Variants in DOP1B observed in about 807,000 individuals in gnomAD.
DOP1B encodes the protein protein DOP1B.
In DOP1B, 174 loss-of-function variants were observed where a neutral mutation model predicts 233.5. The ratio of observed to expected loss-of-function variants is 0.75; its 90% CI spans 0.66 to 0.85. DOP1B has a LOEUF of 0.85. Ranked by LOEUF, DOP1B falls within the 40% of genes least tolerant of loss-of-function variation. DOP1B has a pLI of 0.00. For missense variants in DOP1B, 2,652 were observed against 2,846.6 expected (o/e 0.93, Z 1.56); for synonymous variants, 1,190 against 1,185.6 (o/e 1.00, Z -0.08).
At chr21:36,242,542 A>G (rs2066904052) in intron 18 of DOP1B, among the ~76,000 whole-genome samples, 1 of 151,728 alleles carries the variant, frequency 6.6e-6, no homozygotes, top group Non-Finnish European at 1.5e-5. Context: ...TGAACTCCTG[A>G]GCTCAAGTGT....
At chr21:36,199,298 G>A (rs376541118) in intron 3 of DOP1B, 47 bp downstream of exon 3, 226 of 1,568,436 alleles carry the variant, frequency 1.4e-4, no homozygotes, top group Non-Finnish European at 1.7e-4. Context: ...CCAAGTAACC[G>A]GTATTTCAGC....
At chr21:36,169,376 G>C (rs2065949005) in intron 2 of DOP1B, 1 of 826,948 alleles carries the variant, frequency 1.2e-6, no homozygotes, top group South Asian at 1.3e-5. Context: ...TTTCTGCCCA[G>C]CACATGCCAT....
Position 36,232,946 on chromosome 21 carries a change from T to C in DOP1B, c.2493T>C (p.Ile831=). The C allele has an allele frequency of 6.2e-7, 1 of 1,614,116 alleles. No individual in the cohort carries two copies. Among genetic ancestry groups the C allele is most frequent in the Non-Finnish European group, 8.5e-7 (1 of 1,180,022 alleles). Residue 831 remains isoleucine (I), a synonymous_variant, in exon 15 of 37, where the codon ATT becomes ATC. Transcript: ENST00000691173. ...INHSQSLALV[I]EDKMKRYKSS... ...ATTCCCAGTCCCTGGCGCTTGTCAT[T>C]GAAGACAAGATGAAACGCTATAAGA...
chr21:36,293,615 C>G lies in DOP1B; in HGVS notation c.*44C>G. The G allele has an allele frequency of 6.3e-7, 1 of 1,589,680 alleles. No homozygotes were observed. Among genetic ancestry groups the G allele is most frequent in the Non-Finnish European group, 8.6e-7 (1 of 1,161,986 alleles). On this transcript the variant is annotated 3_prime_UTR_variant, in exon 37 of 37. Coordinates refer to ENST00000691173, the MANE Select transcript of DOP1B (RefSeq NM_001320714.2). ...GTTTAATCCATGTATTGGTACTTTA[C>G]TGAAAACCAGGTTATATTCTAAAGA...
intron 21 of DOP1B, among the ~76,000 whole-genome samples, chr21:36,250,146 G>T (rs915034958): frequency 2.0e-5 from 3 of 152,162 alleles, no homozygotes; most frequent in Admixed American, 2.0e-4. Context: ...GGAACCCAGG[G>T]CCGGGGAGCG....
chr21:36,236,233 C>G (rs1220718343), intron 15 of DOP1B, among the ~76,000 whole-genome samples: 1 of 152,252 alleles, frequency 6.6e-6, no homozygotes, highest in Admixed American at 6.5e-5. Context: ...CTCCCTGCCA[C>G]TTGGCAAGGG....
At chr21:36,271,567 C>T (rs906927969) in intron 27 of DOP1B, among the ~76,000 whole-genome samples, 2 of 152,020 alleles carry the variant, frequency 1.3e-5, no homozygotes, top group East Asian at 1.9e-4. Context: ...CCTCTGCGCC[C>T]GGCCCAGACT....
intron 1 of DOP1B, among the ~76,000 whole-genome samples, chr21:36,161,226 A>G (rs1213145942): frequency 2.0e-5 from 3 of 151,560 alleles, no homozygotes; most frequent in African/African-American, 4.9e-5. Flanking sequence ...GCCCACTGCA[A>G]CCTCCGCCTC....
At chr21:36,279,833 A>G (rs971713965) in intron 30 of DOP1B, among the ~76,000 whole-genome samples, 17 of 152,310 alleles carry the variant, frequency 1.1e-4, no homozygotes, top group African/African-American at 4.1e-4. Flanking sequence ...TTATATGTAA[A>G]CTATTTATTT....
At chr21:36,228,981 T>A (rs2066726601) in intron 13 of DOP1B, among the ~76,000 whole-genome samples, 1 of 151,726 alleles carries the variant, frequency 6.6e-6, no homozygotes, top group Admixed American at 6.6e-5. Flanking sequence ...CAAAAAAAAA[T>A]TTTTAAGTTT....
intron 6 of DOP1B, 131 bp from the exon 7 acceptor site, chr21:36,211,843 T>C (rs1015984831): frequency 7.1e-7 from 1 of 1,402,374 alleles, no homozygotes. Context: ...CTTCTTTCCA[T>C]GGGTAATGTG....
intron 9 of DOP1B, among the ~76,000 whole-genome samples, chr21:36,215,025 A>C (rs1257390357): frequency 6.6e-6 from 1 of 152,224 alleles, no homozygotes; most frequent in Non-Finnish European, 1.5e-5. Context: ...CCTGGGCGAC[A>C]GAGTGAGACC....
At chr21:36,215,240 A>C (rs2066545554) in intron 9 of DOP1B, among the ~76,000 whole-genome samples, 1 of 152,092 alleles carries the variant, frequency 6.6e-6, no homozygotes, top group Non-Finnish European at 1.5e-5. Flanking sequence ...TGGGCAAGCC[A>C]CTTCTTTTCA....
At chr21:36,159,507 C>T (rs1255876402) in intron 1 of DOP1B, among the ~76,000 whole-genome samples, 1 of 152,132 alleles carries the variant, frequency 6.6e-6, no homozygotes, top group Middle Eastern at 3.2e-3. Flanking sequence ...CCAAGCTCAC[C>T]CAGAAGACTT....
chr21:36,216,417 C>T (rs192610525), intron 9 of DOP1B, among the ~76,000 whole-genome samples: 52 of 152,004 alleles, frequency 3.4e-4, no homozygotes, highest in Non-Finnish European at 6.2e-4. Flanking sequence ...TCAAGACCAG[C>T]CTGGCCAACA....
chr21:36,190,579 G>A (rs1025149973), intron 2 of DOP1B, among the ~76,000 whole-genome samples: 2 of 151,870 alleles, frequency 1.3e-5, no homozygotes, highest in Non-Finnish European at 2.9e-5. Flanking sequence ...TGTATTTTTA[G>A]TAGGGACAGG....
intron 24 of DOP1B, chr21:36,261,739 G>A (rs562872681): frequency 4.9e-6 from 4 of 815,482 alleles, no homozygotes; most frequent in Non-Finnish European, 5.9e-6. Context: ...AAAACCCTAT[G>A]TCTACTAAAA....
chr21:36,285,962 C>T (rs978445155), intron 32 of DOP1B, among the ~76,000 whole-genome samples: 5 of 151,594 alleles, frequency 3.3e-5, no homozygotes, highest in Admixed American at 1.3e-4. Context: ...GAGCCGAGAT[C>T]GCGCCACTGC....
At chr21:36,231,210 A>G (rs2066761427) in intron 14 of DOP1B, 76 bp downstream of exon 14, 1 of 1,486,030 alleles carries the variant, frequency 6.7e-7, no homozygotes, top group Non-Finnish European at 9.0e-7. Flanking sequence ...AATATCCCCT[A>G]TCCACAATGC....
Sources: allele counts gnomAD v4.1 joint callset (sites outside exome capture counted in the v4.1 genomes callset), GRCh38; gene constraint gnomAD v4.1.1; transcripts MANE v1.5; gene names NCBI Gene and HGNC (gene_info 2026-07-23, HGNC 2026-07-21).